BCL9: variants seen among roughly 807,000 people sequenced by gnomAD.
The protein encoded by BCL9 is BCL9 transcription coactivator, also known as B-cell CLL/lymphoma 9 protein.
In BCL9, 25 loss-of-function variants were observed where a neutral mutation model predicts 88.5. That is an observed-to-expected ratio of 0.28 (90% CI 0.21 to 0.39). The LOEUF is 0.39. Ranked by LOEUF, BCL9 falls within the 10% of genes least tolerant of loss-of-function variation. The pLI, the probability that BCL9 is intolerant of heterozygous loss-of-function variation, is 1.00. For synonymous variants in BCL9, 711 were observed against 673.3 expected (o/e 1.06, Z -0.87); for missense variants, 1,817 against 1,877.8 (o/e 0.97, Z 0.60).
chr1:147,544,791 T>C (rs1553194098), intron 1 of BCL9, among the ~76,000 whole-genome samples: 1 of 152,214 alleles, frequency 6.6e-6, no homozygotes. Context: ...CTGGTTGTGC[T>C]ATTAAAATCT....
At chr1:147,587,641 C>G (rs933580034) in intron 1 of BCL9, among the ~76,000 whole-genome samples, 4 of 152,136 alleles carry the variant, frequency 2.6e-5, no homozygotes, top group African/African-American at 9.7e-5. Flanking sequence ...AAGGGGTTAA[C>G]TAATAACACT....
chr1:147,599,770 A>C (rs1477802063), intron 1 of BCL9, among the ~76,000 whole-genome samples: 2 of 145,982 alleles, frequency 1.4e-5, no homozygotes, highest in African/African-American at 2.5e-5. Context: ...CCGTAGTAAA[A>C]TATCGGGGGC....
chr1:147,547,729 T>C (rs1228617730), intron 1 of BCL9, among the ~76,000 whole-genome samples: 1 of 152,194 alleles, frequency 6.6e-6, no homozygotes, highest in African/African-American at 2.4e-5. Context: ...AAGAGAAATT[T>C]ATTGTTAACT....
At position 147,611,681 on chromosome 1, in the gene BCL9, CA is replaced by C; in HGVS notation, c.-153del. On this transcript the variant is annotated 5_prime_UTR_variant, in exon 4 of 10. An upstream open reading frame in the 5' UTR loses its in-frame stop. Transcript: ENST00000234739. ...GACCCACTTCCACAGCAGAGAAAAACAAAGAGGAAAAAGGCATACAGGCAGC... is the reference window on the plus strand; with the variant it reads ...GACCCACTTCCACAGCAGAGAAAAACAAGAGGAAAAAGGCATACAGGCAGC... 4.6e-6 allele frequency: 3 copies of C among 654,160 alleles called. No homozygotes were observed. Among genetic ancestry groups the C allele is most frequent in the Non-Finnish European group, 8.2e-6 (3 of 367,928 alleles). 40.5% of individuals were successfully genotyped at this position (654,160 alleles called of 1,614,324 possible).
intron 1 of BCL9, among the ~76,000 whole-genome samples, chr1:147,569,395 G>A (rs1304794946): frequency 3.4e-4 from 52 of 151,140 alleles, no homozygotes; most frequent in East Asian, 5.8e-4. Context: ...TTGGGAAGCC[G>A]AGGAGGGTGG....
At chr1:147,558,014 A>G (rs1413004322) in intron 1 of BCL9, among the ~76,000 whole-genome samples, 3 of 152,086 alleles carry the variant, frequency 2.0e-5, no homozygotes, top group African/African-American at 4.8e-5. Context: ...ACATGCCACT[A>G]TGAAAGAAAA....
chr1:147,585,366 C>G (rs781952201), intron 1 of BCL9, among the ~76,000 whole-genome samples: 1 of 152,064 alleles, frequency 6.6e-6, no homozygotes, highest in African/African-American at 2.4e-5. Context: ...TGCCAAGAGA[C>G]GGACCTCAGG....
At chr1:147,554,156 T>A (rs1655003883) in intron 1 of BCL9, among the ~76,000 whole-genome samples, 1 of 152,238 alleles carries the variant, frequency 6.6e-6, no homozygotes, top group African/African-American at 2.4e-5. Context: ...TAATTTGCCA[T>A]TGACTATTTC....
At chr1:147,621,557 T>C (rs1658648146) in intron 8 of BCL9, among the ~76,000 whole-genome samples, 1 of 152,204 alleles carries the variant, frequency 6.6e-6, no homozygotes. Flanking sequence ...ACAGATCAGC[T>C]ACAATTTAGG....
chr1:147,614,844 C>CTTT (rs782119688), intron 6 of BCL9, among the ~76,000 whole-genome samples: 10 of 142,260 alleles, frequency 7.0e-5, no homozygotes, highest in South Asian at 2.2e-4. Context: ...ATCTCTTTTT[C>CTTT]TTTTTTTTTT....
chr1:147,602,955 T>G (rs1657478238), intron 1 of BCL9, among the ~76,000 whole-genome samples: 2 of 152,234 alleles, frequency 1.3e-5, no homozygotes, highest in South Asian at 4.1e-4. Context: ...AACAAATCCC[T>G]TATATTTCTC....
intron 1 of BCL9, among the ~76,000 whole-genome samples, chr1:147,560,111 G>A (rs1382456807): frequency 1.3e-5 from 2 of 152,144 alleles, no homozygotes; most frequent in Non-Finnish European, 2.9e-5. Flanking sequence ...GGAAACACTT[G>A]TGCTATTCAG....
chr1:147,562,832 C>A (rs1553196274), intron 1 of BCL9, among the ~76,000 whole-genome samples: 1 of 152,104 alleles, frequency 6.6e-6, no homozygotes. Flanking sequence ...CATTGCTGTC[C>A]CACTTAATAT....
intron 1 of BCL9, among the ~76,000 whole-genome samples, chr1:147,559,739 A>G (rs1557824068): frequency 6.6e-6 from 1 of 152,250 alleles, no homozygotes; most frequent in Non-Finnish European, 1.5e-5. Context: ...GAGAACCACA[A>G]GCAAGAGAGT....
chr1:147,597,982 G>A (rs1243468088), intron 1 of BCL9, among the ~76,000 whole-genome samples: 2 of 152,200 alleles, frequency 1.3e-5, no homozygotes, highest in Non-Finnish European at 2.9e-5. Flanking sequence ...TTTGTTTTGA[G>A]CTTGCTGAGC....
intron 1 of BCL9, among the ~76,000 whole-genome samples, chr1:147,555,588 A>T (rs1414572341): frequency 6.6e-6 from 1 of 152,264 alleles, no homozygotes. Context: ...AATTTAAAAC[A>T]TGCCTCAGGT....
intron 1 of BCL9, among the ~76,000 whole-genome samples, chr1:147,544,365 A>G (rs1210241698): frequency 1.3e-5 from 2 of 152,120 alleles, no homozygotes; most frequent in East Asian, 3.9e-4. Flanking sequence ...TCCTATTCAC[A>G]GGGAGCCCAG....
intron 1 of BCL9, among the ~76,000 whole-genome samples, chr1:147,573,878 C>T (rs1184995160): frequency 3.9e-5 from 6 of 151,946 alleles, no homozygotes; most frequent in Non-Finnish European, 8.8e-5. Context: ...TTTTTTCCCA[C>T]TGTCACTGCA....
chr1:147,568,701 A>G (rs1655726307), intron 1 of BCL9, among the ~76,000 whole-genome samples: 1 of 152,172 alleles, frequency 6.6e-6, no homozygotes, highest in South Asian at 2.1e-4. Flanking sequence ...TCTAAAAGAC[A>G]TGGTAAGTTA....
Sources: gnomAD v4.1 joint callset for allele counts (sites outside exome capture counted in the v4.1 genomes callset) on GRCh38, gnomAD v4.1.1 for gene constraint, MANE v1.5 for transcripts, NCBI Gene and HGNC (gene_info 2026-07-23, HGNC 2026-07-21) for gene names.